KCNAB1: variants seen among roughly 807,000 people sequenced by gnomAD.
KCNAB1 encodes the protein voltage-gated potassium channel subunit beta-1.
Under a neutral mutation model 64.6 loss-of-function variants are expected in KCNAB1, and 35 were observed. That is an observed-to-expected ratio of 0.54 (90% confidence interval 0.41 to 0.72). The LOEUF is 0.72. Among genes scored for constraint, KCNAB1 ranks in the 30% least tolerant of loss-of-function variants. The pLI is 0.00. For synonymous variants in KCNAB1, 177 were observed against 183.8 expected (o/e 0.96, Z 0.30); for missense variants, 401 against 512.9 (o/e 0.78, Z 2.11).
At chr3:156,421,835 G>A (rs887153992) in intron 2 of KCNAB1, among the ~76,000 whole-genome samples, 176 bp downstream of exon 2, 19 of 152,082 alleles carry the variant, frequency 1.2e-4, no homozygotes, top group African/African-American at 4.3e-4. Flanking sequence ...CCCTCTCCCA[G>A]GGAGCCACCG....
chr3:156,268,709 A>G (rs1273028136), intron 1 of KCNAB1, among the ~76,000 whole-genome samples: 1 of 152,142 alleles, frequency 6.6e-6, no homozygotes, highest in African/African-American at 2.4e-5. Flanking sequence ...TCAAAATCAG[A>G]TTATTATAAT....
chr3:156,343,692 C>T (rs1467290219), intron 1 of KCNAB1, among the ~76,000 whole-genome samples: 1 of 152,144 alleles, frequency 6.6e-6, no homozygotes. Context: ...GGTTTAGGCA[C>T]CAGCATCTTT....
At chr3:156,203,443 T>C (rs1251204094) in intron 1 of KCNAB1, among the ~76,000 whole-genome samples, 1 of 152,220 alleles carries the variant, frequency 6.6e-6, no homozygotes, top group Non-Finnish European at 1.5e-5. Context: ...GCCCACATTA[T>C]TAATGATGTG....
At chr3:156,464,529 G>A (rs1402855287) in intron 6 of KCNAB1, among the ~76,000 whole-genome samples, 1 of 151,362 alleles carries the variant, frequency 6.6e-6, no homozygotes, top group Non-Finnish European at 1.5e-5. Context: ...TTAACAAAAA[G>A]CAAAAACAAA....
intron 1 of KCNAB1, among the ~76,000 whole-genome samples, chr3:156,308,811 G>T (rs1721684957): frequency 6.6e-6 from 1 of 152,190 alleles, no homozygotes; most frequent in Non-Finnish European, 1.5e-5. Flanking sequence ...AGCATCAGGA[G>T]TTTTGTCATC....
At chr3:156,213,137 C>T (rs1715115422) in intron 1 of KCNAB1, among the ~76,000 whole-genome samples, 1 of 151,852 alleles carries the variant, frequency 6.6e-6, no homozygotes, top group Admixed American at 6.6e-5. Flanking sequence ...AGGTGCTGTC[C>T]TCCTGTGTCT....
chr3:156,213,067 C>T (rs1413981711), intron 1 of KCNAB1, among the ~76,000 whole-genome samples: 1 of 152,096 alleles, frequency 6.6e-6, no homozygotes, highest in Non-Finnish European at 1.5e-5. Flanking sequence ...GATGGAACAG[C>T]TCGCTTAGTA....
intron 1 of KCNAB1, among the ~76,000 whole-genome samples, chr3:156,416,865 G>C (rs1481209474): frequency 6.6e-6 from 1 of 152,204 alleles, no homozygotes; most frequent in Non-Finnish European, 1.5e-5. Flanking sequence ...AACCTAGTCA[G>C]AATTTGCAAT....
At chr3:156,238,010 A>T (rs67482406) in intron 1 of KCNAB1, among the ~76,000 whole-genome samples, 17,395 of 152,178 alleles carry the variant, frequency 0.11, 1,189 homozygotes, top group Non-Finnish European at 0.15. Context: ...AATGACTGAC[A>T]GACTGACTAC....
chr3:156,489,980 C>T (rs1462104556), intron 8 of KCNAB1, among the ~76,000 whole-genome samples: 1 of 152,092 alleles, frequency 6.6e-6, no homozygotes, highest in African/African-American at 2.4e-5. Context: ...GTCCCCAGGT[C>T]TGCAGTCAGT....
chr3:156,332,710 C>T lies in KCNAB1; in HGVS notation c.276-88906C>T, dbSNP rs567367403. Among the ~76,000 whole-genome samples, 162 of 152,178 alleles carry T rather than the reference C, an allele frequency of 1.1e-3. 2 individuals carry two copies. The highest frequency in any genetic ancestry group is 2.0e-3 in the Non-Finnish European group (138 of 67,994). The stretch of plus-strand genomic sequence containing the variant: ...GACCCAGATGTCTGAGTTTTCTTTT[C>T]GAAAATATGACCATTGTGATACAAA... On this transcript the variant is annotated intron_variant, in intron 1 of 13. Coordinates refer to ENST00000490337, the MANE Select transcript of KCNAB1 (RefSeq NM_172160.3).
At chr3:156,194,090 C>G (rs1713731656) in intron 1 of KCNAB1, among the ~76,000 whole-genome samples, 1 of 151,878 alleles carries the variant, frequency 6.6e-6, no homozygotes, top group Admixed American at 6.6e-5. Context: ...TATTATAGAA[C>G]CCATAATATA....
intron 7 of KCNAB1, among the ~76,000 whole-genome samples, chr3:156,472,587 G>C (rs1714004094): frequency 6.6e-6 from 1 of 152,130 alleles, no homozygotes. Flanking sequence ...GGGATCACTG[G>C]CCTCAGATAC....
intron 1 of KCNAB1, among the ~76,000 whole-genome samples, chr3:156,387,014 CTTTTTTT>C (rs1194708289): frequency 2.2e-5 from 2 of 90,526 alleles, no homozygotes; most frequent in South Asian, 6.8e-4. Flanking sequence ...TTCTCTCTCT[CTTTTTTT>C]TTTTTTTTTT....
At chr3:156,362,792 T>A (rs959035924) in intron 1 of KCNAB1, among the ~76,000 whole-genome samples, 1 of 152,242 alleles carries the variant, frequency 6.6e-6, no homozygotes, top group African/African-American at 2.4e-5. Flanking sequence ...AAAAAAATAC[T>A]GTTTATAATT....
At chr3:156,269,485 G>T (rs1001130569) in intron 1 of KCNAB1, among the ~76,000 whole-genome samples, 3 of 152,192 alleles carry the variant, frequency 2.0e-5, no homozygotes, top group Admixed American at 6.5e-5. Flanking sequence ...TTGATGAAGT[G>T]CTCTGTAAAT....
chr3:156,248,469 ATTTTT>A (rs33915450), intron 1 of KCNAB1, among the ~76,000 whole-genome samples: 1 of 100,116 alleles, frequency 1.0e-5, no homozygotes, highest in Non-Finnish European at 2.0e-5. Flanking sequence ...CTGTAATGAG[ATTTTT>A]TTTTTTTTTT....
chr3:156,206,341 A>G (rs1316812343), intron 1 of KCNAB1, among the ~76,000 whole-genome samples: 1 of 152,164 alleles, frequency 6.6e-6, no homozygotes, highest in African/African-American at 2.4e-5. Flanking sequence ...TCCAATTAGC[A>G]TGAACCCAAA....
chr3:156,523,634 G>A, intron 11 of KCNAB1, 193 bp from the exon 12 acceptor site: 1 of 591,188 alleles, frequency 1.7e-6, no homozygotes, highest in Non-Finnish European at 3.0e-6. Context: ...AAATCAATCT[G>A]TTTTGAACCA....
Sources: gnomAD v4.1 joint callset for allele counts (sites outside exome capture counted in the v4.1 genomes callset) on GRCh38, gnomAD v4.1.1 for gene constraint, MANE v1.5 for transcripts, NCBI Gene and HGNC (gene_info 2026-07-23, HGNC 2026-07-21) for gene names.